Variants in RASA3 observed in about 807,000 individuals in gnomAD.
RASA3 encodes the protein ras GTPase-activating protein 3.
A neutral mutation model predicts 110.0 loss-of-function variants in RASA3; 73 were observed. The observed-to-expected ratio is 0.66, with a 90% CI of 0.55 to 0.81. The LOEUF is 0.81. Among genes scored for constraint, RASA3 ranks in the 30% least tolerant of loss-of-function variants. The pLI is 0.00. For missense variants in RASA3, 976 were observed against 1,113.2 expected (o/e 0.88, Z 1.75); for synonymous variants, 500 against 451.4 (o/e 1.11, Z -1.37).
chr13:114,018,730 C>T, intron 10 of RASA3, 33 bp downstream of exon 10: 2 of 1,608,206 alleles, frequency 1.2e-6, no homozygotes, highest in Non-Finnish European at 8.5e-7. Context: ...GCACCTCCTG[C>T]CCACACCCAC....
rs769358794 is a variant in RASA3, at chr13:114,018,713, G to A, written c.942+50C>T. ...GCCCGGGTGTAGGGTGGGGCCCCAG[G>A]CAGGTGGCACCTCCTGCCCACACCC... On this transcript the variant is annotated intron_variant, in intron 10 of 23. Transcript: ENST00000334062. 5 of 1,598,720 alleles carry A rather than the reference G, an allele frequency of 3.1e-6. No homozygotes were observed. In the Admixed American group the frequency reaches 8.4e-5, roughly 27 times the overall value.
rs147380242 is a variant in RASA3 at position 114,037,665 on chromosome 13, G to A, written c.372+3335C>T. 3.1e-3 allele frequency among the ~76,000 whole-genome samples: 465 copies of A among 152,284 alleles called. 3 individuals carry two copies. Among genetic ancestry groups the A allele is most frequent in the Admixed American group, 4.8e-3 (74 of 15,296 alleles). Reference sequence around the variant, plus strand: ...TTGGACATTTTAAATGGTTAAAATGGTAAATTTCATGTCTCTGTTTTACCA... The same window carrying A: ...TTGGACATTTTAAATGGTTAAAATGATAAATTTCATGTCTCTGTTTTACCA... On this transcript the variant is annotated intron_variant, in intron 4 of 23. Transcript: ENST00000334062.
chr13:114,091,823 T>C (rs1027238848), intron 1 of RASA3, among the ~76,000 whole-genome samples: 4 of 152,110 alleles, frequency 2.6e-5, no homozygotes, highest in African/African-American at 9.7e-5. Context: ...CATCAGGGCC[T>C]GGGCTTTTTC....
rs570604470 is a variant in RASA3 at position 114,003,683 on chromosome 13, A to C, written c.1743-2751T>G. 8.5e-5 allele frequency among the ~76,000 whole-genome samples: 13 copies of C among 152,270 alleles called. 1 individual carries two copies. The highest frequency in any genetic ancestry group is 7.8e-4 in the Admixed American group (12 of 15,290). ...TGTGTCCTTGTACCTTAACCAAGGC[A>C]ATTGTGTTAGACGTACTCATAGGCA... On this transcript the variant is annotated intron_variant, in intron 18 of 23. Coordinates refer to ENST00000334062, the MANE Select transcript of RASA3 (RefSeq NM_007368.4).
At chr13:114,122,959 A>G (rs953044790) in intron 1 of RASA3, among the ~76,000 whole-genome samples, 3 of 152,212 alleles carry the variant, frequency 2.0e-5, no homozygotes, top group Non-Finnish European at 4.4e-5. Flanking sequence ...CTTTCTGAGG[A>G]AGCGATTCCA....
chr13:113,990,357 A>C (rs1173810291), intron 22 of RASA3, among the ~76,000 whole-genome samples: 5 of 152,158 alleles, frequency 3.3e-5, no homozygotes, highest in Non-Finnish European at 5.9e-5. Context: ...GAAGAGCTGG[A>C]GCTGTGATGC....
chr13:114,047,172 G>C (rs906561690), intron 3 of RASA3, among the ~76,000 whole-genome samples: 1 of 152,178 alleles, frequency 6.6e-6, no homozygotes, highest in Non-Finnish European at 1.5e-5. Flanking sequence ...GCACACTTGT[G>C]ATAGACTCGT....
chr13:114,054,987 T>G (rs539607336), intron 2 of RASA3, among the ~76,000 whole-genome samples: 1 of 151,704 alleles, frequency 6.6e-6, no homozygotes, highest in East Asian at 1.9e-4. Context: ...CATGGGTGTG[T>G]GCACGTGTGT....
At chr13:114,132,232 G>A (rs1219920399) in intron 1 of RASA3, among the ~76,000 whole-genome samples, 1 of 152,116 alleles carries the variant, frequency 6.6e-6, no homozygotes, top group African/African-American at 2.4e-5. Flanking sequence ...CCCCGGAGCC[G>A]ACTCGACCCA....
At chr13:114,124,674 C>G (rs1034128289) in intron 1 of RASA3, among the ~76,000 whole-genome samples, 3 of 152,264 alleles carry the variant, frequency 2.0e-5, no homozygotes, top group Non-Finnish European at 2.9e-5. Flanking sequence ...AGGGGCCAGC[C>G]ACAACTCACT....
chr13:114,127,141 G>A (rs749894286), intron 1 of RASA3, among the ~76,000 whole-genome samples: 4 of 152,242 alleles, frequency 2.6e-5, no homozygotes, highest in African/African-American at 4.8e-5. Flanking sequence ...TCAGGGAGAC[G>A]CCGCTCATCC....
At chr13:114,060,740 C>G (rs1387761550) in intron 2 of RASA3, among the ~76,000 whole-genome samples, 1 of 152,238 alleles carries the variant, frequency 6.6e-6, no homozygotes, top group Non-Finnish European at 1.5e-5. Flanking sequence ...GCGCTGCGCT[C>G]GCCCGCGGTG....
intron 1 of RASA3, among the ~76,000 whole-genome samples, chr13:114,090,025 G>A (rs866608858): frequency 1.3e-5 from 2 of 152,198 alleles, no homozygotes; most frequent in South Asian, 2.1e-4. Context: ...CGGATGGAAC[G>A]CATTCTGTGT....
intron 1 of RASA3, 84 bp from the exon 2 acceptor site, chr13:114,073,921 C>T (rs750584023): frequency 8.3e-7 from 1 of 1,210,166 alleles, no homozygotes; most frequent in Non-Finnish European, 1.2e-6. Context: ...CCAGCCTTTG[C>T]TTGTGTGCAT....
intron 2 of RASA3, among the ~76,000 whole-genome samples, chr13:114,071,055 T>G (rs1265106394): frequency 3.9e-5 from 6 of 152,250 alleles, no homozygotes; most frequent in Admixed American, 3.9e-4. Flanking sequence ...GGTGCCACAG[T>G]TTTACTCTCT....
intron 1 of RASA3, among the ~76,000 whole-genome samples, chr13:114,110,844 T>C (rs1401146854): frequency 6.6e-6 from 1 of 151,492 alleles, no homozygotes; most frequent in East Asian, 1.9e-4. Flanking sequence ...GGCTGGGGAG[T>C]GAGAATCCTC....
Position 114,065,731 on chromosome 13 carries a change from G to T in RASA3, c.173+7989C>A, listed in dbSNP as rs1020780513. ...GGGTCACACAGCCCTGGCTCCCAGA[G>T]GTCAGAGGCTGGAGGGCAGGGGTCC... On this transcript the variant is annotated intron_variant, in intron 2 of 23. Transcript: ENST00000334062. The surrounding 1 kb of genome is among the most constrained non-coding windows in gnomAD (Gnocchi z 4.1). 3.3e-5 allele frequency among the ~76,000 whole-genome samples: 5 copies of T among 152,102 alleles called. No individual in the cohort carries two copies. The highest frequency in any genetic ancestry group is 1.2e-4 in the African/African-American group (5 of 41,422).
intron 14 of RASA3, among the ~76,000 whole-genome samples, chr13:114,013,856 C>A (rs1214941988): frequency 1.9e-5 from 1 of 51,494 alleles, no homozygotes; most frequent in East Asian, 9.9e-4. Context: ...ATCTCTCTGT[C>A]TCTCTCCCTG....
intron 2 of RASA3, among the ~76,000 whole-genome samples, chr13:114,061,217 G>A (rs927738977): frequency 1.3e-5 from 2 of 152,270 alleles, no homozygotes; most frequent in Admixed American, 1.3e-4. Flanking sequence ...GCCACGGCCG[G>A]GGACGCTGCC....
Sources: gnomAD v4.1 joint callset for allele counts (sites outside exome capture counted in the v4.1 genomes callset) on GRCh38, gnomAD v4.1.1 for gene constraint, Gnocchi (gnomAD v3.1) non-coding constraint, MANE v1.5 for transcripts, NCBI Gene and HGNC (gene_info 2026-07-23, HGNC 2026-07-21) for gene names.